Variants in TOX observed in about 807,000 individuals in gnomAD.
The protein encoded by TOX is thymocyte selection-associated high mobility group box protein TOX.
Under a neutral mutation model 53.7 loss-of-function variants are expected in TOX, and 11 were observed. The observed-to-expected ratio is 0.20, with a 90% CI of 0.13 to 0.34. The LOEUF is 0.34. Among genes scored for constraint, TOX ranks in the 10% least tolerant of loss-of-function variants. TOX has a pLI of 1.00. For synonymous variants in TOX, 225 were observed against 245.3 expected, an observed-to-expected ratio of 0.92 and a Z score of 0.77; for missense variants, 570 against 664.6, an observed-to-expected ratio of 0.86 and a Z score of 1.56.
At chr8:58,904,345 G>C (rs989537958) in intron 3 of TOX, among the ~76,000 whole-genome samples, 1 of 151,852 alleles carries the variant, frequency 6.6e-6, no homozygotes, top group Non-Finnish European at 1.5e-5. Flanking sequence ...TGATACTAAA[G>C]CACAGAACCT....
At chr8:58,965,298 A>G (rs886194547) in intron 1 of TOX, among the ~76,000 whole-genome samples, 2 of 152,246 alleles carry the variant, frequency 1.3e-5, no homozygotes, top group African/African-American at 4.8e-5. Context: ...CAGGGGATGC[A>G]ATCATATAAA....
chr8:58,993,520 C>T (rs1813495608), intron 1 of TOX, among the ~76,000 whole-genome samples: 1 of 152,284 alleles, frequency 6.6e-6, no homozygotes, highest in South Asian at 2.1e-4. Context: ...ACAGGAACTG[C>T]AGAGATTTCT....
chr8:58,832,928 T>C (rs551332494), intron 5 of TOX, among the ~76,000 whole-genome samples: 4 of 152,194 alleles, frequency 2.6e-5, no homozygotes, highest in African/African-American at 7.2e-5. Context: ...AAAGAAGGCA[T>C]ATGTTAACAG....
intron 1 of TOX, among the ~76,000 whole-genome samples, chr8:58,998,518 T>A (rs1254720472): frequency 2.4e-5 from 3 of 123,098 alleles, no homozygotes; most frequent in East Asian, 2.3e-4. Flanking sequence ...TATATATATA[T>A]ATATATATAT....
At chr8:59,004,008 C>A (rs1813743070) in intron 1 of TOX, among the ~76,000 whole-genome samples, 1 of 152,134 alleles carries the variant, frequency 6.6e-6, no homozygotes. Flanking sequence ...TTGGGGAAAT[C>A]ACTTTTAAGA....
chr8:58,881,305 C>A (rs967498606), intron 3 of TOX, among the ~76,000 whole-genome samples: 3 of 152,070 alleles, frequency 2.0e-5, no homozygotes, highest in African/African-American at 7.2e-5. Context: ...AAGTATTATC[C>A]TCTAAAGACA....
chr8:58,886,721 C>CT (rs1811474658), intron 3 of TOX, among the ~76,000 whole-genome samples: 1 of 151,940 alleles, frequency 6.6e-6, no homozygotes, highest in East Asian at 1.9e-4. Flanking sequence ...AATGGATACT[C>CT]TTAAGTTTTC....
chr8:59,063,613 G>A (rs1804032330), intron 1 of TOX, among the ~76,000 whole-genome samples: 4 of 151,902 alleles, frequency 2.6e-5, no homozygotes, highest in Admixed American at 2.0e-4. Context: ...TTAGTAAAAC[G>A]GGGTTTCACC....
At chr8:58,960,647 T>C (rs957497986) in intron 1 of TOX, among the ~76,000 whole-genome samples, 1 of 152,236 alleles carries the variant, frequency 6.6e-6, no homozygotes, top group African/African-American at 2.4e-5. Context: ...CGAATTTATG[T>C]ATTAAAAATG....
intron 1 of TOX, among the ~76,000 whole-genome samples, chr8:59,080,509 T>C (rs374047892): frequency 3.9e-5 from 6 of 152,312 alleles, no homozygotes; most frequent in African/African-American, 1.4e-4. Context: ...TATTTTGCAA[T>C]GCAAGAAGGA....
chr8:58,845,530 T>C (rs1810706674), intron 4 of TOX, among the ~76,000 whole-genome samples: 2 of 152,178 alleles, frequency 1.3e-5, no homozygotes, highest in South Asian at 4.1e-4. Context: ...AATACTTCTT[T>C]CATTTTACAA....
intron 1 of TOX, among the ~76,000 whole-genome samples, chr8:59,036,257 G>C (rs1305577095): frequency 6.6e-6 from 1 of 152,138 alleles, no homozygotes; most frequent in African/African-American, 2.4e-5. Flanking sequence ...TTTACTCTTG[G>C]GAAGGAAATG....
intron 1 of TOX, among the ~76,000 whole-genome samples, chr8:59,062,371 A>G (rs944846339): frequency 7.9e-5 from 12 of 152,380 alleles, no homozygotes; most frequent in East Asian, 7.7e-4. Context: ...GCTTTAGAGC[A>G]AATACCAGTA....
At chr8:58,822,442 C>T (rs938233864) in intron 6 of TOX, among the ~76,000 whole-genome samples, 3 of 152,210 alleles carry the variant, frequency 2.0e-5, no homozygotes, top group African/African-American at 7.2e-5. Context: ...TTGCAGCATC[C>T]TATGTCCTAT....
intron 4 of TOX, among the ~76,000 whole-genome samples, chr8:58,846,261 T>C (rs1431037202): frequency 6.6e-6 from 1 of 152,124 alleles, no homozygotes; most frequent in Non-Finnish European, 1.5e-5. Context: ...TACATTAGTT[T>C]AATTGCTGTG....
intron 3 of TOX, among the ~76,000 whole-genome samples, chr8:58,858,807 G>A (rs2129168902): frequency 6.6e-6 from 1 of 152,304 alleles, no homozygotes; most frequent in Non-Finnish European, 1.5e-5. Context: ...AAACTTCTGA[G>A]CCTTGCTCTT....
intron 2 of TOX, among the ~76,000 whole-genome samples, chr8:58,941,856 C>T (rs558253177): frequency 2.5e-4 from 38 of 152,062 alleles, no homozygotes; most frequent in African/African-American, 8.9e-4. Flanking sequence ...AGTTTGAGAC[C>T]AGCCTGGTCA....
intron 1 of TOX, among the ~76,000 whole-genome samples, chr8:59,053,773 C>A (rs991921850): frequency 6.6e-6 from 1 of 152,074 alleles, no homozygotes; most frequent in African/African-American, 2.4e-5. Context: ...AATCTATTTC[C>A]ATTTAAAAGG....
chr8:58,998,536 T>TATAATAAATTTATGTA (rs1554537361), intron 1 of TOX, among the ~76,000 whole-genome samples: 1,617 of 37,240 alleles, frequency 0.043, 37 homozygotes, highest in Non-Finnish European at 0.052. Context: ...TATATATATA[T>TATAATAAATTTATGTA]ATAAATTTAT....
Sources: allele counts gnomAD v4.1 joint callset (sites outside exome capture counted in the v4.1 genomes callset), GRCh38; gene constraint gnomAD v4.1.1; transcripts MANE v1.5; gene names NCBI Gene and HGNC (gene_info 2026-07-23, HGNC 2026-07-21).